The following HMCN1 variants were observed in gnomAD, a reference collection of about 807,000 sequenced individuals.
HMCN1 encodes the protein hemicentin 1, also known as hemicentin-1.
In HMCN1, 321 loss-of-function variants were observed where a neutral mutation model predicts 625.9. That is an observed-to-expected ratio of 0.51 (90% CI 0.47 to 0.56). The LOEUF is 0.56. Among genes scored for constraint, HMCN1 ranks in the 20% least tolerant of loss-of-function variants. HMCN1 has a pLI of 0.00. For missense variants in HMCN1, 6,588 were observed against 6,887.3 expected, an observed-to-expected ratio of 0.96 and a Z score of 1.54; for synonymous variants, 2,425 against 2,417.6, an observed-to-expected ratio of 1.00 and a Z score of -0.09.
rs1649718235 is a variant in HMCN1 at position 186,137,919 on chromosome 1, C to T, written c.13871C>T (p.Pro4624Leu). Residue 4624 changes from proline (P) to leucine (L), a missense_variant, in exon 89 of 107, where the codon CCA becomes CTA. Physicochemically the swap from Pro to Leu is moderately conservative, Grantham distance 98. This residue lies in a region of HMCN1 where 1,954 missense variants were observed against 2,013.1 expected (regional missense o/e 0.97). Coordinates refer to ENST00000271588, the MANE Select transcript of HMCN1 (RefSeq NM_031935.3). ...NNPSVQHGGR[P>L]CEGNAVEIIM... ...CCATCAGTTCAGCATGGTGGGCGGC[C>T]ATGTGAAGGGAATGCTGTGGAAATA... 6.2e-7 allele frequency: 1 copy of T among 1,613,896 alleles called. No individual in the cohort carries two copies. The highest frequency in any genetic ancestry group is 1.7e-5 in the Admixed American group (1 of 59,968).
At chr1:185,962,468 A>T (rs377208997) in intron 11 of HMCN1, 50 bp from the exon 12 acceptor site, 1 of 1,514,318 alleles carries the variant, frequency 6.6e-7, no homozygotes, top group African/African-American at 1.4e-5. Flanking sequence ...GAAGCTTCTA[A>T]CATCAAGATA....
At chr1:186,145,367 G>C in intron 91 of HMCN1, 36 bp from the exon 92 acceptor site, 1 of 1,516,408 alleles carries the variant, frequency 6.6e-7, no homozygotes, top group Non-Finnish European at 8.8e-7. Context: ...TCATTTTAGG[G>C]GCTCTGTTTT....
At chr1:186,052,081 A>G (rs1047212982) in intron 42 of HMCN1, among the ~76,000 whole-genome samples, 2 of 152,000 alleles carry the variant, frequency 1.3e-5, no homozygotes, top group African/African-American at 2.4e-5. Context: ...TGAAAAGTGT[A>G]AGAACACATA....
chr1:186,059,707 G>A (rs975204752), intron 46 of HMCN1, among the ~76,000 whole-genome samples: 5 of 152,016 alleles, frequency 3.3e-5, no homozygotes, highest in African/African-American at 1.2e-4. Flanking sequence ...TTTTCTAAAA[G>A]CAGTACTTTG....
chr1:186,056,098 T>G (rs1033056434), intron 45 of HMCN1, among the ~76,000 whole-genome samples: 2 of 152,022 alleles, frequency 1.3e-5, no homozygotes, highest in Non-Finnish European at 2.9e-5. Context: ...TTCTAATTAA[T>G]AAGTCATAAA....
intron 4 of HMCN1, among the ~76,000 whole-genome samples, chr1:185,870,990 G>C (rs1392126102): frequency 6.6e-6 from 1 of 151,952 alleles, no homozygotes; most frequent in Non-Finnish European, 1.5e-5. Flanking sequence ...CCAGCACTTT[G>C]GGAGGCCAAG....
intron 4 of HMCN1, among the ~76,000 whole-genome samples, chr1:185,892,106 G>C (rs574255061): frequency 0.029 from 4,050 of 141,466 alleles, 379 homozygotes; most frequent in African/African-American, 0.12. Context: ...ATTGCATCGG[G>C]TCCTGAGGCT....
At chr1:185,803,008 TAAAG>T (rs779948641) in intron 1 of HMCN1, among the ~76,000 whole-genome samples, 12 of 151,518 alleles carry the variant, frequency 7.9e-5, no homozygotes, top group Non-Finnish European at 1.3e-4. Context: ...TCCAGAAAAA[TAAAG>T]CTCCTACTGC....
At chr1:185,780,380 C>T (rs1185335454) in intron 1 of HMCN1, among the ~76,000 whole-genome samples, 1 of 152,158 alleles carries the variant, frequency 6.6e-6, no homozygotes, top group African/African-American at 2.4e-5. Flanking sequence ...ACTTCCAACA[C>T]TATGTTGAAT....
At chr1:186,106,749 T>A in intron 69 of HMCN1, 135 bp from the exon 70 acceptor site, 1 of 706,712 alleles carries the variant, frequency 1.4e-6, no homozygotes, top group Non-Finnish European at 2.6e-6. Context: ...AGAGTGCTAA[T>A]CGTAGTGTTA....
intron 1 of HMCN1, among the ~76,000 whole-genome samples, chr1:185,776,692 G>C (rs567556380): frequency 6.6e-6 from 1 of 152,040 alleles, no homozygotes; most frequent in Non-Finnish European, 1.5e-5. Context: ...TATGCTTTTA[G>C]CATCACAGAT....
At chr1:186,044,427 G>T (rs1480936429) in intron 40 of HMCN1, among the ~76,000 whole-genome samples, 1 of 152,030 alleles carries the variant, frequency 6.6e-6, no homozygotes, top group Non-Finnish European at 1.5e-5. Flanking sequence ...GTGCTCTTTG[G>T]TTCATACCCT....
Position 186,129,949 on chromosome 1 carries a change from TTTC to T in HMCN1, c.12905-14_12905-12del, listed in dbSNP as rs532775140. ...AGGTTACTGAGAGGCACTTGTGTTGTTTCTTGTTTCCCTCAGCCCACTTTGACA... is the reference window on the plus strand; with the variant it reads ...AGGTTACTGAGAGGCACTTGTGTTGTTTGTTTCCCTCAGCCCACTTTGACA... On this transcript the variant is annotated splice_polypyrimidine_tract_variant and intron_variant, in intron 83 of 106. Coordinates refer to ENST00000271588, the MANE Select transcript of HMCN1 (RefSeq NM_031935.3). 2.1e-4 allele frequency: 346 copies of T among 1,612,594 alleles called. No individual in the cohort carries two copies. The African/African-American group carries it at 3.6e-3, about 17-fold the overall frequency.
chr1:186,164,250 T>TGTTTTG (rs1558273557), intron 97 of HMCN1, among the ~76,000 whole-genome samples: 2 of 150,566 alleles, frequency 1.3e-5, no homozygotes, highest in African/African-American at 5.0e-5. Flanking sequence ...CTTTTTTTTT[T>TGTTTTG]TTTTTTTGAG....
chr1:185,951,446 A>C (rs1264876244), intron 11 of HMCN1, among the ~76,000 whole-genome samples: 1 of 150,704 alleles, frequency 6.6e-6, no homozygotes, highest in Non-Finnish European at 1.5e-5. Context: ...TGGAGCGGGT[A>C]GCCTCTGTAT....
chr1:186,167,548 G>C (rs72707472), intron 100 of HMCN1, among the ~76,000 whole-genome samples: 2 of 152,004 alleles, frequency 1.3e-5, no homozygotes, highest in African/African-American at 4.8e-5. Context: ...ACATTCTATG[G>C]GTTTGCAAAA....
intron 34 of HMCN1, 24 bp from the exon 35 acceptor site, chr1:186,019,517 C>T (rs1394567889): frequency 6.3e-7 from 1 of 1,580,346 alleles, no homozygotes; most frequent in Non-Finnish European, 8.7e-7. Context: ...GGTTTCATTC[C>T]CTCTCCCCCT....
intron 97 of HMCN1, among the ~76,000 whole-genome samples, chr1:186,155,684 C>G (rs980009433): frequency 6.6e-6 from 1 of 152,164 alleles, no homozygotes; most frequent in African/African-American, 2.4e-5. Flanking sequence ...AAGAAACACA[C>G]TGTATGACCT....
At chr1:186,122,852 T>C (rs1661459826) in intron 80 of HMCN1, 99 bp from the exon 81 acceptor site, 1 of 1,284,080 alleles carries the variant, frequency 7.8e-7, no homozygotes, top group East Asian at 2.3e-5. Flanking sequence ...CAGGATTTTG[T>C]TTCTTATCAA....
Sources: gnomAD v4.1 joint callset for allele counts (sites outside exome capture counted in the v4.1 genomes callset) on GRCh38, gnomAD v4.1.1 for gene constraint, gnomAD v4.1.1 regional missense constraint, MANE v1.5 for transcripts, NCBI Gene and HGNC (gene_info 2026-07-23, HGNC 2026-07-21) for gene names.